The following DENND5A variants were observed in gnomAD, a reference collection of about 807,000 sequenced individuals.
DENND5A encodes DENN domain-containing protein 5A.
A neutral mutation model predicts 140.3 loss-of-function variants in DENND5A; 64 were observed. The ratio of observed to expected loss-of-function variants is 0.46; its 90% CI spans 0.37 to 0.56. The LOEUF is 0.56. Ranked by LOEUF, DENND5A falls within the 20% of genes least tolerant of loss-of-function variation. The pLI, the probability that DENND5A is intolerant of heterozygous loss-of-function variation, is 0.00. For missense variants in DENND5A, 1,292 were observed against 1,593.8 expected, an observed-to-expected ratio of 0.81 and a Z score of 3.22; for synonymous variants, 605 against 607.7, an observed-to-expected ratio of 1.00 and a Z score of 0.07.
chr11:9,147,811 G>A (rs1364521801), intron 15 of DENND5A, among the ~76,000 whole-genome samples: 5 of 151,990 alleles, frequency 3.3e-5, no homozygotes, highest in Admixed American at 6.6e-5. Context: ...CAGGCCCTCC[G>A]CAGCTTCAAA....
At chr11:9,163,916 GA>G (rs78100327) in intron 11 of DENND5A, among the ~76,000 whole-genome samples, 70,354 of 150,174 alleles carry the variant, frequency 0.47, 17,684 homozygotes, top group African/African-American at 0.65. Flanking sequence ...AAATTGTATG[GA>G]AAAAAAAATC....
chr11:9,209,643 G>A (rs935741320), intron 1 of DENND5A, among the ~76,000 whole-genome samples: 2 of 152,126 alleles, frequency 1.3e-5, no homozygotes, highest in African/African-American at 4.8e-5. Context: ...CTCCATAAGG[G>A]GAAAGGAGAT....
chr11:9,145,911 G>A, intron 16 of DENND5A, 96 bp from the exon 17 acceptor site: 3 of 1,341,734 alleles, frequency 2.2e-6, no homozygotes, highest in Non-Finnish European at 2.1e-6. Flanking sequence ...TGGCACAACT[G>A]TGGCTCCTGC....
intron 1 of DENND5A, among the ~76,000 whole-genome samples, chr11:9,242,269 GA>G (rs1345168752): frequency 2.0e-5 from 3 of 152,192 alleles, no homozygotes; most frequent in Non-Finnish European, 4.4e-5. Flanking sequence ...CAGTAAATAA[GA>G]GCTGAAGGAG....
chr11:9,227,811 T>C (rs1023826481), intron 1 of DENND5A, among the ~76,000 whole-genome samples: 5 of 146,706 alleles, frequency 3.4e-5, no homozygotes, highest in African/African-American at 7.5e-5. Flanking sequence ...AAATTTAAAT[T>C]AAAAAAAAAA....
At chr11:9,176,604 A>G (rs1228997743) in intron 8 of DENND5A, among the ~76,000 whole-genome samples, 9 of 152,230 alleles carry the variant, frequency 5.9e-5, no homozygotes, top group African/African-American at 1.2e-4. Flanking sequence ...CTGTTCCCCA[A>G]TAATGATAGC....
chr11:9,216,184 G>A (rs962671512), intron 1 of DENND5A, among the ~76,000 whole-genome samples: 14 of 152,202 alleles, frequency 9.2e-5, no homozygotes, highest in African/African-American at 3.4e-4. Flanking sequence ...TGAGTCTTGT[G>A]AGTCTCATTT....
chr11:9,194,879 C>G (rs980943890), intron 4 of DENND5A, among the ~76,000 whole-genome samples: 5 of 150,388 alleles, frequency 3.3e-5, no homozygotes, highest in Non-Finnish European at 5.9e-5. Context: ...ACCACCGCAC[C>G]TGGCTAATTT....
chr11:9,146,859 A>T, intron 16 of DENND5A, 171 bp downstream of exon 16: 1 of 697,490 alleles, frequency 1.4e-6, no homozygotes, highest in African/African-American at 1.8e-5. Context: ...ACTTCAGAGA[A>T]AACACAGCCT....
intron 1 of DENND5A, among the ~76,000 whole-genome samples, chr11:9,236,238 A>C (rs1426584802): frequency 3.4e-5 from 5 of 149,108 alleles, no homozygotes; most frequent in African/African-American, 1.3e-4. Context: ...AAAAAAAAAA[A>C]CAAATAAAGT....
intron 19 of DENND5A, 36 bp downstream of exon 19, chr11:9,144,061 G>A: frequency 1.3e-6 from 2 of 1,599,194 alleles, no homozygotes; most frequent in South Asian, 2.2e-5. Context: ...TCCCTAGACT[G>A]TATGGCATGA....
intron 11 of DENND5A, among the ~76,000 whole-genome samples, chr11:9,161,808 T>G (rs549933854): frequency 4.9e-4 from 74 of 152,090 alleles, no homozygotes; most frequent in Non-Finnish European, 9.3e-4. Context: ...AGAAATACAG[T>G]AATCAATATA....
At chr11:9,226,308 G>C (rs1850526741) in intron 1 of DENND5A, among the ~76,000 whole-genome samples, 1 of 152,092 alleles carries the variant, frequency 6.6e-6, no homozygotes, top group Non-Finnish European at 1.5e-5. Flanking sequence ...AAATTATCTA[G>C]AACCCTACGG....
chr11:9,190,503 T>C (rs1374822239), intron 5 of DENND5A, among the ~76,000 whole-genome samples: 2 of 152,206 alleles, frequency 1.3e-5, no homozygotes, highest in Admixed American at 1.3e-4. Flanking sequence ...GCTCTCTCTT[T>C]GCCTGCTGCC....
At chr11:9,209,028 T>C (rs1367523314) in intron 1 of DENND5A, among the ~76,000 whole-genome samples, 2 of 152,276 alleles carry the variant, frequency 1.3e-5, no homozygotes, top group Non-Finnish European at 2.9e-5. Flanking sequence ...GATGTATTTT[T>C]AAACTGCATT....
At chr11:9,218,281 C>G (rs934369798) in intron 1 of DENND5A, among the ~76,000 whole-genome samples, 3 of 150,842 alleles carry the variant, frequency 2.0e-5, no homozygotes, top group Non-Finnish European at 3.0e-5. Flanking sequence ...AAAAAAAAAA[C>G]AAGCTTGTGG....
chr11:9,254,991 A>G (rs1851884173), intron 1 of DENND5A, among the ~76,000 whole-genome samples: 1 of 152,078 alleles, frequency 6.6e-6, no homozygotes, highest in Admixed American at 6.6e-5. Context: ...GAATCGCTTG[A>G]ACCCAGGAGG....
intron 10 of DENND5A, among the ~76,000 whole-genome samples, chr11:9,168,421 G>T (rs1223106897): frequency 6.6e-6 from 1 of 152,164 alleles, no homozygotes; most frequent in South Asian, 2.1e-4. Context: ...CAGCCATGTG[G>T]AACTGTGAGT....
At chr11:9,216,397 A>G (rs1444617774) in intron 1 of DENND5A, among the ~76,000 whole-genome samples, 1 of 152,168 alleles carries the variant, frequency 6.6e-6, no homozygotes, top group Non-Finnish European at 1.5e-5. Flanking sequence ...TGCTAAAACA[A>G]TGGAGGATGG....
Sources: gnomAD v4.1 joint callset for allele counts (sites outside exome capture counted in the v4.1 genomes callset) on GRCh38, gnomAD v4.1.1 for gene constraint, MANE v1.5 for transcripts, NCBI Gene and HGNC (gene_info 2026-07-23, HGNC 2026-07-21) for gene names.